The following DPY19L4 variants were observed in gnomAD, a reference collection of about 807,000 sequenced individuals.
The protein encoded by DPY19L4 is dpy-19 like 4.
In DPY19L4, 97 loss-of-function variants were observed where a neutral mutation model predicts 102.8. The observed-to-expected ratio is 0.94, with a 90% CI of 0.80 to 1.12. The LOEUF (loss-of-function observed/expected upper bound fraction) is 1.12. DPY19L4 is among the 50% of genes most tolerant of loss of function. The probability of loss-of-function intolerance (pLI) is 0.00; values close to 1 mark genes in which losing one functional copy is unlikely to be tolerated. For missense variants in DPY19L4, 815 were observed against 850.4 expected (o/e 0.96, Z 0.52); for synonymous variants, 252 against 283.1 (o/e 0.89, Z 1.10).
intron 3 of DPY19L4, among the ~76,000 whole-genome samples, chr8:94,736,132 C>T (rs1321184317): frequency 6.6e-6 from 1 of 152,146 alleles, no homozygotes; most frequent in Non-Finnish European, 1.5e-5. Context: ...TGCATCCTCA[C>T]ATGGTGGAAG....
chr8:94,777,814 T>C, intron 14 of DPY19L4, 28 bp downstream of exon 14: 1 of 1,586,000 alleles, frequency 6.3e-7, no homozygotes, highest in Non-Finnish European at 8.6e-7. Context: ...ATTGTTTCTC[T>C]TCTAATTATA....
intron 14 of DPY19L4, among the ~76,000 whole-genome samples, chr8:94,778,956 C>A (rs1455399159): frequency 6.6e-6 from 1 of 152,126 alleles, no homozygotes; most frequent in African/African-American, 2.4e-5. Flanking sequence ...TGCTGCGGAG[C>A]TGGCTCTCAT....
intron 13 of DPY19L4, among the ~76,000 whole-genome samples, chr8:94,774,390 TAAAATCTAC>T (rs1328321147): frequency 6.6e-6 from 1 of 152,124 alleles, no homozygotes; most frequent in Admixed American, 6.5e-5. Context: ...GTACATAACA[TAAAATCTAC>T]CATCTTAATG....
At chr8:94,746,103 C>G (rs982077474) in intron 6 of DPY19L4, among the ~76,000 whole-genome samples, 1 of 129,446 alleles carries the variant, frequency 7.7e-6, no homozygotes, top group Admixed American at 8.6e-5. Context: ...TCTCTGTTGC[C>G]CAGGCTAAAG....
At chr8:94,765,397 T>TGCAATGGC in intron 9 of DPY19L4, 83 bp downstream of exon 9, 1 of 1,355,184 alleles carries the variant, frequency 7.4e-7, no homozygotes. Context: ...CAGGCTGGAG[T>TGCAATGGC]ACATCTCAGC....
Position 94,734,669 on chromosome 8 carries a change from G to A in DPY19L4, c.167G>A (p.Cys56Tyr), listed in dbSNP as rs1292709205. 3 of 1,614,044 alleles carry A rather than the reference G, an allele frequency of 1.9e-6. No homozygotes were observed. The highest frequency in any genetic ancestry group is 2.5e-6 in the Non-Finnish European group (3 of 1,179,978). The change falls in exon 3 of 19, where the codon TGT (cysteine) becomes TAT (tyrosine). Residue 56 changes from cysteine to tyrosine, a missense_variant. Physicochemically the swap from Cys to Tyr is radical, Grantham distance 194 (BLOSUM62 -2). Coordinates refer to ENST00000414645, the MANE Select transcript of DPY19L4 (RefSeq NM_181787.3). ...FQRFAKIFIG[C>Y]LAAVTSGMMY... is the part of the protein sequence containing the mutation. Reference sequence around the variant, plus strand: ...CGCTTTGCAAAGATTTTCATTGGCTGTCTTGCAGCGGTTACTAGTGGTATG... The same window carrying A: ...CGCTTTGCAAAGATTTTCATTGGCTATCTTGCAGCGGTTACTAGTGGTATG...
At chr8:94,736,472 G>A (rs1811193408) in intron 3 of DPY19L4, among the ~76,000 whole-genome samples, 1 of 151,894 alleles carries the variant, frequency 6.6e-6, no homozygotes, top group Non-Finnish European at 1.5e-5. Context: ...ATTCTTTTTT[G>A]GTAACATCCG....
chr8:94,764,575 CA>C (rs554856939), intron 8 of DPY19L4, among the ~76,000 whole-genome samples: 547 of 53,146 alleles, frequency 0.01, 1 homozygote, highest in South Asian at 0.028. Flanking sequence ...GACTCCGTCT[CA>C]AAAAAAAAAA....
chr8:94,728,202 G>A (rs546771996), intron 2 of DPY19L4, among the ~76,000 whole-genome samples: 2 of 152,280 alleles, frequency 1.3e-5, no homozygotes, highest in South Asian at 2.1e-4. Flanking sequence ...CAGGTGATCC[G>A]CCTGCAAGCA....
Position 94,791,083 on chromosome 8 carries a change from T to A in DPY19L4, c.*1173T>A, listed in dbSNP as rs1813868305. The stretch of plus-strand genomic sequence containing the variant: ...TCAGGATAGATGTAGCCTATAGATG[T>A]GTCATTTTAATAAGTTGGGATACAT... On this transcript the variant is annotated 3_prime_UTR_variant, in exon 19 of 19. Coordinates refer to ENST00000414645, the MANE Select transcript of DPY19L4 (RefSeq NM_181787.3). 6.6e-6 allele frequency: 1 copy of A among 152,174 alleles called. No individual in the cohort carries two copies. Among genetic ancestry groups the A allele is most frequent in the African/African-American group, 2.4e-5 (1 of 41,462 alleles). 9.4% of individuals were successfully genotyped at this position (152,174 alleles called of 1,614,324 possible).
intron 8 of DPY19L4, among the ~76,000 whole-genome samples, chr8:94,763,377 G>A (rs140406442): frequency 0.026 from 3,889 of 147,896 alleles, 170 homozygotes; most frequent in African/African-American, 0.091. Context: ...GTCTCACTCC[G>A]TCACCCAGGC....
intron 8 of DPY19L4, among the ~76,000 whole-genome samples, chr8:94,763,686 C>A (rs1303576442): frequency 6.7e-6 from 1 of 150,364 alleles, no homozygotes; most frequent in Non-Finnish European, 1.5e-5. Context: ...ACACCGGGCT[C>A]ATTTTTTTTT....
At chr8:94,770,375 A>T in intron 12 of DPY19L4, 77 bp from the exon 13 acceptor site, 1 of 1,432,508 alleles carries the variant, frequency 7.0e-7, no homozygotes, top group Non-Finnish European at 9.3e-7. Context: ...ATGTCCTTCA[A>T]AGATGATAAA....
intron 14 of DPY19L4, among the ~76,000 whole-genome samples, chr8:94,779,656 A>G (rs897278289): frequency 1.3e-5 from 2 of 152,146 alleles, no homozygotes; most frequent in Non-Finnish European, 2.9e-5. Context: ...TCAAAAGCCC[A>G]TTTGATTAAT....
chr8:94,761,634 C>A, intron 7 of DPY19L4, 66 bp from the exon 8 acceptor site: 1 of 1,354,762 alleles, frequency 7.4e-7, no homozygotes. Flanking sequence ...TTTGAGGTAA[C>A]AGTCTCATAG....
intron 2 of DPY19L4, among the ~76,000 whole-genome samples, chr8:94,731,040 C>T (rs1164665017): frequency 7.1e-5 from 10 of 140,184 alleles, no homozygotes; most frequent in South Asian, 2.3e-4. Context: ...CCACCACTCC[C>T]GGCCAACTCT....
intron 17 of DPY19L4, among the ~76,000 whole-genome samples, chr8:94,786,702 C>G (rs897080895): frequency 3.3e-5 from 5 of 151,972 alleles, no homozygotes; most frequent in African/African-American, 1.2e-4. Flanking sequence ...TGCATGCCAC[C>G]GCACCCAGCT....
chr8:94,773,164 A>G (rs1813004142), intron 13 of DPY19L4, among the ~76,000 whole-genome samples: 1 of 151,120 alleles, frequency 6.6e-6, no homozygotes, highest in Non-Finnish European at 1.5e-5. Context: ...CAGTGAGCCA[A>G]GATCGTGCCA....
At chr8:94,782,228 A>G (rs973280253) in intron 16 of DPY19L4, among the ~76,000 whole-genome samples, 2 of 152,126 alleles carry the variant, frequency 1.3e-5, no homozygotes, top group Admixed American at 6.6e-5. Flanking sequence ...CTCCACTGGG[A>G]CTGGATAGTC....
Sources: gnomAD v4.1 joint callset for allele counts (sites outside exome capture counted in the v4.1 genomes callset) on GRCh38, gnomAD v4.1.1 for gene constraint, MANE v1.5 for transcripts, NCBI Gene and HGNC (gene_info 2026-07-23, HGNC 2026-07-21) for gene names.